The following RBFOX1 variants were observed in gnomAD, a reference collection of about 807,000 sequenced individuals.
The protein encoded by RBFOX1 is RNA binding protein fox-1 homolog 1.
In RBFOX1, 8 loss-of-function variants were observed where a neutral mutation model predicts 57.7. The observed-to-expected ratio is 0.14, with a 90% CI of 0.08 to 0.25. The LOEUF is 0.25. RBFOX1 is among the 10% of genes least tolerant of loss of function. The pLI, the probability that RBFOX1 is intolerant of heterozygous loss-of-function variation, is 1.00. For synonymous variants in RBFOX1, 326 were observed against 222.4 expected (o/e 1.47, Z -4.15); for missense variants, 611 against 548.5 (o/e 1.11, Z -1.14).
At chr16:7,011,814 C>A (rs143619389) in intron 3 of RBFOX1, among the ~76,000 whole-genome samples, 5 of 152,236 alleles carry the variant, frequency 3.3e-5, no homozygotes, top group Non-Finnish European at 2.9e-5. Flanking sequence ...GCACCGTGCC[C>A]CAAGTTGTTT....
chr16:7,525,897 T>G (rs1286169450), intron 5 of RBFOX1, among the ~76,000 whole-genome samples: 3 of 152,178 alleles, frequency 2.0e-5, no homozygotes, highest in Non-Finnish European at 4.4e-5. Flanking sequence ...GTCTGCCTGA[T>G]GTTAAAGTCC....
chr16:6,266,767 G>A (rs1206341603), intron 1 of RBFOX1, among the ~76,000 whole-genome samples: 1 of 151,586 alleles, frequency 6.6e-6, no homozygotes, highest in Non-Finnish European at 1.5e-5. Context: ...CAGAATCCTA[G>A]AAGAACCTTA....
At chr16:6,141,667 G>A (rs925086646) in intron 1 of RBFOX1, among the ~76,000 whole-genome samples, 2 of 151,716 alleles carry the variant, frequency 1.3e-5, no homozygotes, top group Non-Finnish European at 2.9e-5. Flanking sequence ...ATTCTTTTCA[G>A]CCCTCTTTAA....
chr16:6,620,016 A>G lies in RBFOX1; in HGVS notation c.-63-34587A>G, dbSNP rs144548757. On this transcript the variant is annotated intron_variant, in intron 2 of 15. Transcript: ENST00000550418. ...AGTGTAATGGCCTCCACTTCCATCCATGTTCCTGCAAAGGACATAATCTTA... is the reference window on the plus strand; with the variant it reads ...AGTGTAATGGCCTCCACTTCCATCCGTGTTCCTGCAAAGGACATAATCTTA... Among the ~76,000 whole-genome samples the G allele has an allele frequency of 3.2e-3, 483 of 152,222 alleles. 3 individuals carry two copies. Among genetic ancestry groups the G allele is most frequent in the South Asian group, 0.011 (52 of 4,828 alleles).
chr16:7,253,910 A>G (rs898519701), intron 4 of RBFOX1, among the ~76,000 whole-genome samples: 2 of 152,160 alleles, frequency 1.3e-5, no homozygotes, highest in Non-Finnish European at 2.9e-5. Context: ...GAATCTGAAG[A>G]GTCTTTATAT....
chr16:6,154,067 G>A (rs1272580082), intron 1 of RBFOX1, among the ~76,000 whole-genome samples: 1 of 152,206 alleles, frequency 6.6e-6, no homozygotes, highest in Non-Finnish European at 1.5e-5. Flanking sequence ...AACCTCCACT[G>A]GCATAGCCTG....
intron 3 of RBFOX1, among the ~76,000 whole-genome samples, chr16:5,733,746 T>C (rs2052468563): frequency 6.6e-6 from 1 of 151,954 alleles, no homozygotes; most frequent in Non-Finnish European, 1.5e-5. Context: ...ATCTCTTCTT[T>C]CCTGTTTTTC....
At chr16:7,327,687 C>T (rs1204438159) in intron 4 of RBFOX1, among the ~76,000 whole-genome samples, 4 of 152,156 alleles carry the variant, frequency 2.6e-5, no homozygotes, top group Non-Finnish European at 5.9e-5. Context: ...GTGGGAGAGG[C>T]AGCTTTTTCG....
In RBFOX1 at chr16:6,178,676, C is replaced by G. The variant is rs551088096; in HGVS notation, c.-126-138319C>G. 7.2e-5 allele frequency among the ~76,000 whole-genome samples: 11 copies of G among 152,210 alleles called. No homozygotes were observed. The South Asian group carries it at 2.3e-3, about 32-fold the overall frequency. On this transcript the variant is annotated intron_variant, in intron 1 of 15. Coordinates refer to ENST00000550418, the MANE Select transcript of RBFOX1 (RefSeq NM_018723.4). ...TCTAGAATCTTTGAGCCCGGATGAT[C>G]CTAGAGGGTATCTAGTCTACCTTCT...
chr16:5,425,866 C>T (rs911330007), intron 1 of RBFOX1, among the ~76,000 whole-genome samples: 1 of 152,134 alleles, frequency 6.6e-6, no homozygotes, highest in Non-Finnish European at 1.5e-5. Context: ...GCTTTCTGCT[C>T]CTGGTAGAAC....
At chr16:6,466,133 G>A (rs940842095) in intron 2 of RBFOX1, among the ~76,000 whole-genome samples, 2 of 151,700 alleles carry the variant, frequency 1.3e-5, no homozygotes, top group African/African-American at 4.8e-5. Flanking sequence ...GGAGGCTGAG[G>A]CAGAAGAATC....
At chr16:6,739,059 A>G in intron 3 of RBFOX1, among the ~76,000 whole-genome samples, 1 of 152,152 alleles carries the variant, frequency 6.6e-6, no homozygotes. Context: ...TCAATAATGT[A>G]AGCTCCTACT....
intron 3 of RBFOX1, among the ~76,000 whole-genome samples, chr16:6,728,292 T>C (rs1177393128): frequency 1.3e-5 from 2 of 152,202 alleles, no homozygotes; most frequent in Non-Finnish European, 2.9e-5. Context: ...AAATACAAGG[T>C]TGCAGTTTAC....
chr16:6,712,165 A>C (rs1226876418), intron 3 of RBFOX1, among the ~76,000 whole-genome samples: 1 of 152,186 alleles, frequency 6.6e-6, no homozygotes, highest in Non-Finnish European at 1.5e-5. Flanking sequence ...GTGCTCAATG[A>C]ACAGTAGCCA....
At chr16:7,232,504 A>C (rs17670728) in intron 4 of RBFOX1, among the ~76,000 whole-genome samples, 1 of 151,906 alleles carries the variant, frequency 6.6e-6, no homozygotes, top group Non-Finnish European at 1.5e-5. Flanking sequence ...ACATATGCCC[A>C]CTTGTACCCA....
Position 6,648,959 on chromosome 16 carries a change from G to T in RBFOX1, c.-63-5644G>T, listed in dbSNP as rs568724891. On this transcript the variant is annotated intron_variant, in intron 2 of 15. Coordinates refer to ENST00000550418, the MANE Select transcript of RBFOX1 (RefSeq NM_018723.4). ...TTACCTCACAACGTCATTTTTTTGT[G>T]GTTAGAACACATAACATCTACTTTC... 7.2e-5 allele frequency among the ~76,000 whole-genome samples: 11 copies of T among 152,034 alleles called. No homozygotes were observed. The South Asian group carries it at 2.3e-3, about 32-fold the overall frequency.
chr16:7,662,198 T>C (rs145409729), intron 12 of RBFOX1, among the ~76,000 whole-genome samples: 47 of 152,346 alleles, frequency 3.1e-4, no homozygotes, highest in East Asian at 1.9e-3. Context: ...GGTTCCACCA[T>C]TGAGATCTTT....
intron 4 of RBFOX1, among the ~76,000 whole-genome samples, chr16:7,220,701 G>A (rs1423548793): frequency 1.3e-5 from 2 of 152,110 alleles, no homozygotes; most frequent in African/African-American, 2.4e-5. Flanking sequence ...ATTGTGATCT[G>A]TGAACTTGCC....
At chr16:6,719,014 T>C (rs1204511024) in intron 3 of RBFOX1, among the ~76,000 whole-genome samples, 1 of 151,854 alleles carries the variant, frequency 6.6e-6, no homozygotes, top group Non-Finnish European at 1.5e-5. Flanking sequence ...TACAGGTGTA[T>C]TTCAACGTGC....
Sources: allele counts gnomAD v4.1 joint callset (sites outside exome capture counted in the v4.1 genomes callset), GRCh38; gene constraint gnomAD v4.1.1; transcripts MANE v1.5; gene names NCBI Gene and HGNC (gene_info 2026-07-23, HGNC 2026-07-21).